Variants in CC2D1B observed in about 807,000 individuals in gnomAD.
The protein encoded by CC2D1B is coiled-coil and C2 domain-containing protein 1B.
In CC2D1B, 92 loss-of-function variants were observed where a neutral mutation model predicts 110.8. The ratio of observed to expected loss-of-function variants is 0.83; its 90% CI spans 0.70 to 0.99. The LOEUF is 0.99. Ranked by LOEUF, CC2D1B falls within the 50% of genes least tolerant of loss-of-function variation. The probability of loss-of-function intolerance (pLI) is 0.00; values close to 1 mark genes in which losing one functional copy is unlikely to be tolerated. For missense variants in CC2D1B, 1,136 were observed against 1,089.0 expected, an observed-to-expected ratio of 1.04 and a Z score of -0.61; for synonymous variants, 406 against 429.2, an observed-to-expected ratio of 0.95 and a Z score of 0.67.
In CC2D1B at chr1:52,356,437, G is replaced by C. The variant is rs751157387; in HGVS notation, c.1884C>G (p.Cys628Trp). 19 of 1,614,098 alleles carry C rather than the reference G, an allele frequency of 1.2e-5. No individual in the cohort carries two copies. The highest frequency in any genetic ancestry group is 8.3e-5 in the Admixed American group (5 of 60,004). The change falls in exon 17 of 25, where the codon TGC becomes TGG. Residue 628 changes from cysteine to tryptophan, a missense_variant. Transcript: ENST00000284376. ...GCATGAACTGCTTGGAGAACAGCAGGCACTTCTGAAAATAGAGGCCCAGAG... is the reference window on the plus strand; with the variant it reads ...GCATGAACTGCTTGGAGAACAGCAGCCACTTCTGAAAATAGAGGCCCAGAG... ...QKMLLEQQEK[C>W]LLFSKQFMHQ...
At chr1:52,356,341 C>G (rs893085186) in intron 17 of CC2D1B, 39 bp from the exon 18 acceptor site, 1 of 1,613,928 alleles carries the variant, frequency 6.2e-7, no homozygotes, top group Non-Finnish European at 8.5e-7. Flanking sequence ...GGTGGATTTT[C>G]TGCTCCCCAC....
At chr1:52,359,650 G>A (rs561482910) in intron 8 of CC2D1B, 55 bp downstream of exon 8, 1 of 1,550,386 alleles carries the variant, frequency 6.5e-7, no homozygotes, top group East Asian at 2.4e-5. Context: ...CCCTTTCTGA[G>A]CCTGTTTCCC....
chr1:52,360,198 G>C lies in CC2D1B; in HGVS notation c.639C>G (p.Gly213=), dbSNP rs774706270. The change falls in exon 7 of 25, where the codon GGC becomes GGG. Residue 213 remains glycine, a synonymous_variant. Coordinates refer to ENST00000284376, the MANE Select transcript of CC2D1B (RefSeq NM_001330585.2). ...LESQLASVRR[G]RKINEDEIPP... ...GGATCTCATCCTCATTGATCTTTCTGCCTCTCCTCACAGAGGCTAGCTGCG... is the reference window on the plus strand; with the variant it reads ...GGATCTCATCCTCATTGATCTTTCTCCCTCTCCTCACAGAGGCTAGCTGCG... 13 of 1,613,942 alleles carry C rather than the reference G, an allele frequency of 8.1e-6. No individual in the cohort carries two copies. The Admixed American group carries it at 1.5e-4, about 19-fold the overall frequency.
intron 13 of CC2D1B, 25 bp from the exon 14 acceptor site, chr1:52,357,923 G>T (rs763228247): frequency 1.3e-6 from 2 of 1,533,800 alleles, no homozygotes; most frequent in Admixed American, 4.4e-5. Context: ...GAGGCTGTTA[G>T]GAGGGGATGT....
At chr1:52,365,748 G>C (rs1293987846) in intron 1 of CC2D1B, among the ~76,000 whole-genome samples, 1 of 152,168 alleles carries the variant, frequency 6.6e-6, no homozygotes, top group Non-Finnish European at 1.5e-5. Context: ...TCGCCACAGC[G>C]CTGGCGGGGA....
rs1646557657 is a variant in CC2D1B, at chr1:52,352,995, G to GAGAC, written c.*226_*229dup. ...CCCTCTTCCAGACTCGGGGCAGGGG[G>GAGAC]AGACAGCGGGGAGATGGGCTCCTGG... On this transcript the variant is annotated 3_prime_UTR_variant, in exon 25 of 25. Transcript: ENST00000284376. 1 of 384,678 alleles carries GAGAC rather than the reference G, an allele frequency of 2.6e-6. No individual in the cohort carries two copies. Among genetic ancestry groups the GAGAC allele is most frequent in the South Asian group, 2.1e-5 (1 of 48,540 alleles). 23.8% of individuals were successfully genotyped at this position (384,678 alleles called of 1,614,324 possible). A position where few individuals can be genotyped will look rare whatever the true frequency, so the allele number is the denominator to read the frequency against.
intron 1 of CC2D1B, 27 bp from the exon 2 acceptor site, chr1:52,364,661 C>A (rs767015847): frequency 1.7e-5 from 25 of 1,514,272 alleles, no homozygotes; most frequent in Non-Finnish European, 2.1e-5. Flanking sequence ...GAGATTCAGG[C>A]TGGAGTAGCC....
rs768265762 is a variant in CC2D1B at position 52,356,190 on chromosome 1, C to G, written c.2050G>C (p.Val684Leu). Residue 684 changes from valine to leucine, a missense_variant, in exon 18 of 25, where the codon GTG becomes CTG. By Grantham distance (32) the Val-to-Leu change is conservative. Coordinates refer to ENST00000284376, the MANE Select transcript of CC2D1B (RefSeq NM_001330585.2). ...TGTTTCCCTAGGCCTTGGTACCTCACAGTCTGGAATGTCTTCAACTCAAAG... is the reference window on the plus strand; with the variant it reads ...TGTTTCCCTAGGCCTTGGTACCTCAGAGTCTGGAATGTCTTCAACTCAAAG... The part of the protein sequence containing the change: ...HHFELKTFQT[V>L]RIFSELNSTE... The G allele has an allele frequency of 6.2e-7, 1 of 1,611,414 alleles. No homozygotes were observed.
rs776959494 is a variant in CC2D1B, at chr1:52,355,399, T to C, written c.2238A>G (p.Pro746=). The C allele has an allele frequency of 3.1e-6, 5 of 1,614,016 alleles. No homozygotes were observed. The highest frequency in any genetic ancestry group is 4.2e-6 in the Non-Finnish European group (5 of 1,179,982). Residue 746 remains proline (P), a splice_region_variant and synonymous_variant, in exon 21 of 25, where the codon CCA becomes CCG. Transcript: ENST00000284376. ...AAGAGGCCCACGTGTGGCCCTCACC[T>C]GGAGAGTTTGTGTTCTTCACCACAG... ...KTAVVKNTNS[P]EFDQLFKLNI...
intron 8 of CC2D1B, 75 bp from the exon 9 acceptor site, chr1:52,359,609 T>G: frequency 6.4e-7 from 1 of 1,570,620 alleles, no homozygotes; most frequent in South Asian, 1.2e-5. Flanking sequence ...AACCCCCACT[T>G]AGGCCAATCT....
chr1:52,353,843 A>T lies in CC2D1B; in HGVS notation c.2431-196T>A, dbSNP rs554425856. The T allele has an allele frequency of 5.7e-5, 30 of 522,698 alleles. 1 individual carries two copies. Among genetic ancestry groups the T allele is most frequent in the South Asian group, 4.4e-4 (16 of 36,436 alleles). The allele number at this position is 522,698 out of a possible 1,614,324, so 32.4% of individuals were successfully genotyped here. The stretch of plus-strand genomic sequence containing the variant: ...GTGGTGGTTTTAGGTGAGTCTTATT[A>T]AAAAAGTAATAAATAAATCCAGACA... On this transcript the variant is annotated intron_variant, in intron 23 of 24. Coordinates refer to ENST00000284376, the MANE Select transcript of CC2D1B (RefSeq NM_001330585.2).
At chr1:52,364,700 C>T (rs1007604466) in intron 1 of CC2D1B, 66 bp from the exon 2 acceptor site, 34 of 1,074,194 alleles carry the variant, frequency 3.2e-5, no homozygotes, top group Middle Eastern at 2.1e-4. Context: ...CAGTGCTACC[C>T]GTGGTAAGGT....
chr1:52,365,644 T>C (rs1234557836), intron 1 of CC2D1B, among the ~76,000 whole-genome samples: 2 of 152,046 alleles, frequency 1.3e-5, no homozygotes, highest in African/African-American at 2.4e-5. Context: ...GGGAAAGAAG[T>C]GGCGGGATCG....
intron 5 of CC2D1B, 199 bp from the exon 6 acceptor site, chr1:52,360,748 G>A (rs555219975): frequency 3.2e-6 from 3 of 941,956 alleles, no homozygotes; most frequent in African/African-American, 1.7e-5. Context: ...CCCACTTGGT[G>A]GAAGCCAGGA....
At chr1:52,358,823 A>G in intron 11 of CC2D1B, 65 bp from the exon 12 acceptor site, 1 of 1,513,144 alleles carries the variant, frequency 6.6e-7, no homozygotes. Flanking sequence ...GCCCAACATG[A>G]CACACAGTGG....
rs533134529 is a variant in CC2D1B at position 52,352,219 on chromosome 1, T to G, written c.*1006A>C. 1 of 152,322 alleles carries G rather than the reference T, an allele frequency of 6.6e-6. No individual in the cohort carries two copies. Among genetic ancestry groups the G allele is most frequent in the South Asian group, 2.1e-4 (1 of 4,828 alleles). The allele number at this position is 152,322 out of a possible 1,614,324, so 9.4% of individuals were successfully genotyped here. A position where few individuals can be genotyped will look rare whatever the true frequency, so the allele number is the denominator to read the frequency against. On this transcript the variant is annotated 3_prime_UTR_variant, in exon 25 of 25. Coordinates refer to ENST00000284376, the MANE Select transcript of CC2D1B (RefSeq NM_001330585.2). The stretch of plus-strand genomic sequence containing the variant: ...TAAGAAATGCAGAATATTTCAGTTT[T>G]GAATATTAAATCTCTTACAACTACA...
intron 1 of CC2D1B, among the ~76,000 whole-genome samples, 179 bp downstream of exon 1, chr1:52,365,890 C>A (rs1646870913): frequency 1.3e-5 from 2 of 152,178 alleles, no homozygotes; most frequent in Admixed American, 1.3e-4. Flanking sequence ...TCCAAGGCTG[C>A]GGCCCCGATG....
intron 24 of CC2D1B, 40 bp downstream of exon 24, chr1:52,353,478 G>T: frequency 9.5e-6 from 15 of 1,575,012 alleles, no homozygotes; most frequent in Non-Finnish European, 1.3e-5. Flanking sequence ...TTGAGTAAAA[G>T]GAGGGGGCAA....
chr1:52,358,781 G>C, intron 11 of CC2D1B, 23 bp from the exon 12 acceptor site: 1 of 1,594,958 alleles, frequency 6.3e-7, no homozygotes, highest in East Asian at 2.2e-5. Context: ...GAAGGGAGGG[G>C]CCTGTGGTCG....
Sources: allele counts gnomAD v4.1 joint callset (sites outside exome capture counted in the v4.1 genomes callset), GRCh38; gene constraint gnomAD v4.1.1; transcripts MANE v1.5; gene names NCBI Gene and HGNC (gene_info 2026-07-23, HGNC 2026-07-21).